LZTFL1: variants seen among roughly 807,000 people sequenced by gnomAD.
LZTFL1 encodes the protein leucine zipper transcription factor-like protein 1.
In LZTFL1, 25 loss-of-function variants were observed where a neutral mutation model predicts 45.9. The observed-to-expected ratio is 0.54, with a 90% CI of 0.40 to 0.76. The LOEUF (loss-of-function observed/expected upper bound fraction) is 0.76. LZTFL1 is among the 30% of genes least tolerant of loss of function. LZTFL1 has a pLI of 0.00. For missense variants in LZTFL1, 277 were observed against 331.1 expected, an observed-to-expected ratio of 0.84 and a Z score of 1.27; for synonymous variants, 93 against 117.4, an observed-to-expected ratio of 0.79 and a Z score of 1.35.
chr3:45,883,611 C>T, intron 2 of LZTFL1: 1 of 364,506 alleles, frequency 2.7e-6, no homozygotes, highest in Non-Finnish European at 5.3e-6. Context: ...TGCATTAATT[C>T]TTCAAAGTAT....
At chr3:45,834,922 C>T (rs1191239605) in intron 3 of LZTFL1, 1 of 152,772 alleles carries the variant, frequency 6.5e-6, no homozygotes, top group African/African-American at 2.4e-5. Flanking sequence ...GATTTTCCTC[C>T]CCAGCTCATA....
At chr3:45,896,147 C>T (rs147460170) in intron 2 of LZTFL1, among the ~76,000 whole-genome samples, 10 of 152,356 alleles carry the variant, frequency 6.6e-5, no homozygotes, top group African/African-American at 2.2e-4. Flanking sequence ...AAAAAGTAGA[C>T]TCTTCAGTTT....
At chr3:45,867,884 A>G (rs1475929906) in intron 2 of LZTFL1, among the ~76,000 whole-genome samples, 1 of 152,072 alleles carries the variant, frequency 6.6e-6, no homozygotes, top group Non-Finnish European at 1.5e-5. Context: ...TATATTAGCC[A>G]AAGATAAATG....
At chr3:45,881,199 G>T (rs9842595) in intron 2 of LZTFL1, among the ~76,000 whole-genome samples, 17,158 of 152,198 alleles carry the variant, frequency 0.11, 1,228 homozygotes, top group African/African-American at 0.2. Context: ...CCACACCACT[G>T]AACTCTTGAC....
intron 2 of LZTFL1, among the ~76,000 whole-genome samples, chr3:45,880,692 G>A (rs530222697): frequency 3.3e-5 from 5 of 152,246 alleles, no homozygotes; most frequent in African/African-American, 7.2e-5. Flanking sequence ...CCTTGGACAC[G>A]TCAAATTCTT....
chr3:45,906,345 C>T (rs555329222), intron 2 of LZTFL1, among the ~76,000 whole-genome samples: 1 of 152,284 alleles, frequency 6.6e-6, no homozygotes, highest in Non-Finnish European at 1.5e-5. Context: ...CATTGCTAAC[C>T]CTGATTTACA....
intron 2 of LZTFL1, chr3:45,902,554 A>G (rs1440609029): frequency 1.2e-5 from 2 of 167,176 alleles, no homozygotes; most frequent in Non-Finnish European, 2.9e-5. Flanking sequence ...CCCACAAGGC[A>G]TCCAAAGTCT....
At chr3:45,827,186 TATAG>T (rs1700690212) in intron 9 of LZTFL1, 166 bp downstream of exon 9, 1 of 597,520 alleles carries the variant, frequency 1.7e-6, no homozygotes, top group African/African-American at 1.9e-5. Context: ...TGGTGGGCAT[TATAG>T]ATAAGGTCAG....
intron 2 of LZTFL1, among the ~76,000 whole-genome samples, chr3:45,887,155 G>C (rs1011923465): frequency 4.6e-5 from 7 of 152,136 alleles, no homozygotes; most frequent in African/African-American, 1.7e-4. Context: ...ATGTTGAATT[G>C]GCATGGAAGG....
At chr3:45,880,025 C>T (rs142035618) in intron 2 of LZTFL1, among the ~76,000 whole-genome samples, 108 of 152,224 alleles carry the variant, frequency 7.1e-4, no homozygotes, top group Non-Finnish European at 1.5e-3. Flanking sequence ...ACCATGATGC[C>T]TCCGTACAGG....
At chr3:45,827,078 T>G (rs1700686757) in intron 9 of LZTFL1, 1 of 381,908 alleles carries the variant, frequency 2.6e-6, no homozygotes, top group Non-Finnish European at 4.7e-6. Flanking sequence ...CTTGCTGTGT[T>G]TCCTGTCTGA....
In LZTFL1 at chr3:45,826,057, T is replaced by G. The variant is rs1432212336; in HGVS notation, c.*257A>C. 1 of 400,536 alleles carries G rather than the reference T, an allele frequency of 2.5e-6. No homozygotes were observed. The allele number at this position is 400,536 out of a possible 1,614,324, so 24.8% of individuals were successfully genotyped here. ...CCCACTCTAAAAATCTCTTCTTTGC[T>G]GTAAAGAATTCTCAGTGCATGTGAG... On this transcript the variant is annotated 3_prime_UTR_variant, in exon 10 of 10. Transcript: ENST00000296135.
chr3:45,913,372 A>G (rs1702838467), intron 1 of LZTFL1, among the ~76,000 whole-genome samples: 1 of 152,118 alleles, frequency 6.6e-6, no homozygotes, highest in Non-Finnish European at 1.5e-5. Context: ...CCTTTCTCAG[A>G]ATGCTTTAAA....
chr3:45,914,770 G>A (rs988574275), intron 1 of LZTFL1, among the ~76,000 whole-genome samples: 2 of 152,140 alleles, frequency 1.3e-5, no homozygotes, highest in Admixed American at 6.5e-5. Context: ...GAAGATGGGG[G>A]CCTGATCCAG....
In LZTFL1 at chr3:45,901,240, C is replaced by G; in HGVS notation, c.-215+11880G>C. On this transcript the variant is annotated intron_variant, in intron 2 of 4. Transcript: ENST00000472635. The surrounding 1 kb of genome is among the most constrained non-coding windows in gnomAD (Gnocchi z 4.3). ...GACAGGTACATTGCCATTGCCCAGG[C>G]CATGAGAGCACATACTTGGAGGGAG... 1 of 1,614,162 alleles carries G rather than the reference C, an allele frequency of 6.2e-7. No individual in the cohort carries two copies. The highest frequency in any genetic ancestry group is 8.5e-7 in the Non-Finnish European group (1 of 1,180,022).
chr3:45,855,761 TAGAC>T (rs200256841), intron 3 of LZTFL1, among the ~76,000 whole-genome samples: 2,535 of 151,868 alleles, frequency 0.017, 74 homozygotes, highest in African/African-American at 0.058. Flanking sequence ...ACACCACAAA[TAGAC>T]AGACAGCCAA....
intron 4 of LZTFL1, among the ~76,000 whole-genome samples, chr3:45,849,581 A>G (rs1701275517): frequency 6.6e-6 from 1 of 152,188 alleles, no homozygotes; most frequent in Non-Finnish European, 1.5e-5. Flanking sequence ...GACTAGTGTT[A>G]AGCTAATTGG....
At chr3:45,868,292 G>T (rs1701611969) in intron 2 of LZTFL1, among the ~76,000 whole-genome samples, 1 of 151,042 alleles carries the variant, frequency 6.6e-6, no homozygotes. Flanking sequence ...GAAACCACTC[G>T]CTTCGTAGAG....
chr3:45,867,197 C>G (rs1410709437), intron 2 of LZTFL1, among the ~76,000 whole-genome samples: 1 of 144,066 alleles, frequency 6.9e-6, no homozygotes, highest in Non-Finnish European at 1.5e-5. Context: ...CATTTTTCAT[C>G]TTTTAAATTA....
Sources: gnomAD v4.1 joint callset for allele counts (sites outside exome capture counted in the v4.1 genomes callset) on GRCh38, gnomAD v4.1.1 for gene constraint, Gnocchi (gnomAD v3.1) non-coding constraint, MANE v1.5 for transcripts, NCBI Gene and HGNC (gene_info 2026-07-23, HGNC 2026-07-21) for gene names.